Variants in PTPRD observed in about 807,000 individuals in gnomAD.
PTPRD encodes protein tyrosine phosphatase receptor type D.
PTPRD carries 34 observed loss-of-function variants against 214.5 expected under a neutral mutation model. That is an observed-to-expected ratio of 0.16 (90% CI 0.12 to 0.21). The LOEUF (loss-of-function observed/expected upper bound fraction) is 0.21. Ranked by LOEUF, PTPRD falls within the 10% of genes least tolerant of loss-of-function variation. PTPRD has a pLI of 1.00. For synonymous variants in PTPRD, 1,128 were observed against 845.7 expected (o/e 1.33, Z -5.79); for missense variants, 2,545 against 2,398.7 (o/e 1.06, Z -1.27).
At chr9:8,566,979 T>C (rs2089490916) in intron 14 of PTPRD, among the ~76,000 whole-genome samples, 1 of 152,178 alleles carries the variant, frequency 6.6e-6, no homozygotes, top group African/African-American at 2.4e-5. Context: ...TTGCAAGGTA[T>C]GTTTCTTACA....
intron 7 of PTPRD, among the ~76,000 whole-genome samples, chr9:9,680,561 A>C (rs186022163): frequency 6.6e-6 from 1 of 151,942 alleles, no homozygotes; most frequent in African/African-American, 2.4e-5. Flanking sequence ...TTATCACAAA[A>C]TTGTTGAAAC....
chr9:10,162,609 A>G (rs1317335016), intron 3 of PTPRD, among the ~76,000 whole-genome samples: 2 of 149,748 alleles, frequency 1.3e-5, no homozygotes, highest in Non-Finnish European at 3.0e-5. Context: ...TTTTATACGT[A>G]CGTATATACA....
chr9:8,502,275 C>T (rs540350581), intron 23 of PTPRD, among the ~76,000 whole-genome samples: 1 of 152,090 alleles, frequency 6.6e-6, no homozygotes, highest in African/African-American at 2.4e-5. Context: ...CAAGTCCATA[C>T]ACACACGCAT....
chr9:9,912,582 T>A (rs964770010), intron 5 of PTPRD, among the ~76,000 whole-genome samples: 5 of 152,182 alleles, frequency 3.3e-5, no homozygotes, highest in African/African-American at 1.2e-4. Flanking sequence ...GAAAGCTGAA[T>A]AATATTAAAT....
intron 20 of PTPRD, among the ~76,000 whole-genome samples, chr9:8,519,955 T>C (rs141611885): frequency 1.5e-3 from 225 of 152,296 alleles, no homozygotes; most frequent in African/African-American, 5.1e-3. Flanking sequence ...ATTCAATATT[T>C]ACACACTACT....
At chr9:10,034,560 T>C (rs2097143796) in intron 3 of PTPRD, among the ~76,000 whole-genome samples, 1 of 151,924 alleles carries the variant, frequency 6.6e-6, no homozygotes, top group Non-Finnish European at 1.5e-5. Flanking sequence ...TTTTTCATGA[T>C]CCTCTCCCTC....
chr9:9,401,303 G>GAT (rs1382712296), intron 8 of PTPRD, among the ~76,000 whole-genome samples: 3 of 151,856 alleles, frequency 2.0e-5, no homozygotes, highest in Non-Finnish European at 2.9e-5. Context: ...CATATATACA[G>GAT]ATATATATAC....
rs192725506 is a variant in PTPRD, at chr9:9,880,926, G to A, written c.-368+57581C>T. Among the ~76,000 whole-genome samples, 84 of 152,072 alleles carry A rather than the reference G, an allele frequency of 5.5e-4. 1 individual carries two copies. Among genetic ancestry groups the A allele is most frequent in the Middle Eastern group, 3.4e-3 (1 of 294 alleles). On this transcript the variant is annotated intron_variant, in intron 5 of 45. Coordinates refer to ENST00000381196, the MANE Select transcript of PTPRD (RefSeq NM_002839.4). ...AATAATTACATATTTGTATGTGTTC[G>A]AAATAGTTTAAGTGAACAAAAATCT...
intron 36 of PTPRD, among the ~76,000 whole-genome samples, chr9:8,397,467 GGTTTT>G (rs2091459000): frequency 6.6e-6 from 1 of 151,794 alleles, no homozygotes; most frequent in African/African-American, 2.4e-5. Context: ...AGGTTTTTTT[GGTTTT>G]GTTTTACTTA....
In PTPRD at chr9:8,718,877, G is replaced by A. The variant is rs543751333; in HGVS notation, c.64+14903C>T. 1.8e-3 allele frequency among the ~76,000 whole-genome samples: 279 copies of A among 152,160 alleles called. 1 individual carries two copies. Among genetic ancestry groups the A allele is most frequent in the Non-Finnish European group, 2.6e-3 (180 of 68,014 alleles). On this transcript the variant is annotated intron_variant, in intron 12 of 45. Transcript: ENST00000381196. The stretch of plus-strand genomic sequence containing the variant: ...ATGGAGCGTAGTGTTATTTCCGAGC[G>A]TTTGCTGCTGGATCAATGGTGTTTT...
chr9:9,943,056 T>C (rs1157301553), intron 4 of PTPRD, among the ~76,000 whole-genome samples: 2 of 152,182 alleles, frequency 1.3e-5, no homozygotes, highest in Non-Finnish European at 2.9e-5. Flanking sequence ...TGGATATAGC[T>C]GGATGTCAGT....
chr9:8,995,872 A>G (rs1157714995), intron 11 of PTPRD, among the ~76,000 whole-genome samples: 1 of 152,080 alleles, frequency 6.6e-6, no homozygotes, highest in African/African-American at 2.4e-5. Context: ...CATTACAGAA[A>G]AAGTTCAAAG....
chr9:8,989,599 T>C (rs938638018), intron 11 of PTPRD, among the ~76,000 whole-genome samples: 4 of 152,118 alleles, frequency 2.6e-5, no homozygotes, highest in African/African-American at 9.7e-5. Flanking sequence ...CCTTATACAT[T>C]CATCCAATGA....
At chr9:8,775,784 G>A (rs2095446681) in intron 11 of PTPRD, among the ~76,000 whole-genome samples, 1 of 150,552 alleles carries the variant, frequency 6.6e-6, no homozygotes, top group Non-Finnish European at 1.5e-5. Context: ...AGGAGTTCAA[G>A]ACCAGCCTGG....
chr9:8,331,767 A>AAAGG lies in PTPRD; in HGVS notation c.5380-35_5380-32dup, dbSNP rs747780891. 2.5e-5 allele frequency: 38 copies of AAAGG among 1,545,450 alleles called. No homozygotes were observed. The Middle Eastern group carries it at 9.3e-4, about 38-fold the overall frequency. On this transcript the variant is annotated intron_variant, in intron 43 of 45. Coordinates refer to ENST00000381196, the MANE Select transcript of PTPRD (RefSeq NM_002839.4). ...GAAGGAAAGCCACATACCCGGCCGCAAAGGAAGACGCCAGGAGGATTCAGC... is the reference window on the plus strand; with the variant it reads ...GAAGGAAAGCCACATACCCGGCCGCAAAGGAAGGAAGACGCCAGGAGGATTCAGC...
chr9:8,572,647 G>C (rs755017649), intron 14 of PTPRD, among the ~76,000 whole-genome samples: 9 of 151,958 alleles, frequency 5.9e-5, no homozygotes, highest in Non-Finnish European at 1.2e-4. Flanking sequence ...ACTGCTTAGA[G>C]AGGTACTTGA....
chr9:8,844,959 T>C (rs529146274), intron 11 of PTPRD, among the ~76,000 whole-genome samples: 83 of 152,136 alleles, frequency 5.5e-4, no homozygotes, highest in Non-Finnish European at 1.0e-3. Flanking sequence ...GGCACAAGTT[T>C]TCTAAAATCT....
At chr9:9,646,249 G>C (rs2096160839) in intron 7 of PTPRD, among the ~76,000 whole-genome samples, 1 of 151,490 alleles carries the variant, frequency 6.6e-6, no homozygotes, top group African/African-American at 2.4e-5. Context: ...TTGATGGAAA[G>C]TTTTCTTGGA....
intron 2 of PTPRD, among the ~76,000 whole-genome samples, chr9:10,486,376 TC>T (rs1272927980): frequency 6.6e-6 from 1 of 152,068 alleles, no homozygotes; most frequent in Admixed American, 6.6e-5. Context: ...AAGGAAGGGG[TC>T]CAATTTCAGT....
Sources: allele counts gnomAD v4.1 joint callset (sites outside exome capture counted in the v4.1 genomes callset), GRCh38; gene constraint gnomAD v4.1.1; transcripts MANE v1.5; gene names NCBI Gene and HGNC (gene_info 2026-07-23, HGNC 2026-07-21).